Variants in ABCB1 observed in about 807,000 individuals in gnomAD.
The protein encoded by ABCB1 is ATP binding cassette subfamily B member 1.
A neutral mutation model predicts 142.0 loss-of-function variants in ABCB1; 69 were observed. The ratio of observed to expected loss-of-function variants is 0.49; its 90% confidence interval spans 0.40 to 0.59. The LOEUF (loss-of-function observed/expected upper bound fraction) is 0.59, where lower values mean the gene tolerates loss of function less well. ABCB1 is among the 20% of genes least tolerant of loss of function. The pLI, the probability that ABCB1 is intolerant of heterozygous loss-of-function variation, is 0.00. For synonymous variants in ABCB1, 532 were observed against 539.2 expected, an observed-to-expected ratio of 0.99 and a Z score of 0.18; for missense variants, 1,326 against 1,554.7, an observed-to-expected ratio of 0.85 and a Z score of 2.47.
chr7:87,582,532 T>C (rs1220697714), intron 4 of ABCB1, among the ~76,000 whole-genome samples: 1 of 152,336 alleles, frequency 6.6e-6, no homozygotes, highest in African/African-American at 2.4e-5. Flanking sequence ...AATTAATTGA[T>C]GGATTGACTG....
At chr7:87,627,267 G>C (rs1820719721) in intron 1 of ABCB1, among the ~76,000 whole-genome samples, 1 of 151,904 alleles carries the variant, frequency 6.6e-6, no homozygotes, top group South Asian at 2.1e-4. Context: ...GCATTAACAG[G>C]GATAATATAT....
At chr7:87,626,232 T>C (rs572517239) in intron 1 of ABCB1, among the ~76,000 whole-genome samples, 1 of 90,212 alleles carries the variant, frequency 1.1e-5, no homozygotes, top group South Asian at 4.0e-4. Context: ...ATGTCATATA[T>C]ATGTGTCATA....
chr7:87,699,905 T>G (rs1828864126), intron 1 of ABCB1, among the ~76,000 whole-genome samples: 1 of 152,200 alleles, frequency 6.6e-6, no homozygotes, highest in African/African-American at 2.4e-5. Flanking sequence ...GAATATAGGA[T>G]GCTAATTGAT....
Position 87,686,570 on chromosome 7 carries a change from A to C in ABCB1, c.-331+26591T>G, listed in dbSNP as rs542979134. On this transcript the variant is annotated intron_variant, in intron 1 of 28. Transcript: ENST00000265724. ...GTAAAGTCATCAGAGACAACGTTGT[A>C]AACTTCAGCTTGGTGACATGAGGAT... Among the ~76,000 whole-genome samples the C allele has an allele frequency of 6.0e-4, 92 of 152,306 alleles. 1 individual carries two copies. The highest frequency in any genetic ancestry group is 2.2e-3 in the African/African-American group (91 of 41,554).
chr7:87,628,874 C>T (rs1408917228), intron 1 of ABCB1: 30 of 1,287,824 alleles, frequency 2.3e-5, no homozygotes, highest in Non-Finnish European at 2.8e-5. Context: ...GCGGTGGCGG[C>T]GGAGGCGGCA....
At chr7:87,695,541 G>A (rs951578594) in intron 1 of ABCB1, among the ~76,000 whole-genome samples, 2 of 152,018 alleles carry the variant, frequency 1.3e-5, no homozygotes, top group African/African-American at 4.8e-5. Flanking sequence ...TTTGTTGATT[G>A]TCTAGATGAA....
chr7:87,640,947 T>C (rs1227791531), intron 1 of ABCB1, among the ~76,000 whole-genome samples: 3 of 152,172 alleles, frequency 2.0e-5, no homozygotes, highest in Non-Finnish European at 4.4e-5. Flanking sequence ...TCTTCTCATC[T>C]CTTGAATGTA....
At position 87,516,547 on chromosome 7, in the gene ABCB1, G is replaced by A; in HGVS notation, c.3046C>T (p.Pro1016Ser). 1 of 1,614,104 alleles carries A rather than the reference G, an allele frequency of 6.2e-7. No individual in the cohort carries two copies. The highest frequency in any genetic ancestry group is 8.5e-7 in the Non-Finnish European group (1 of 1,180,010). ...AHIIMIIEKT[P>S]LIDSYSTEGL... The stretch of plus-strand genomic sequence containing the variant: ...TCCGTGCTGTAGCTGTCAATCAAAG[G>A]GGTTTTTTCAATGATCATGATGATG... Residue 1016 changes from proline (P) to serine (S), a missense_variant, in exon 24 of 28, where the codon CCT (proline) becomes TCT (serine). Coordinates refer to ENST00000622132, the MANE Select transcript of ABCB1 (RefSeq NM_001348946.2).
Position 87,545,865 on chromosome 7 carries a change from G to A in ABCB1, c.1885C>T (p.Gln629Ter). 1 of 1,614,000 alleles carries A rather than the reference G, an allele frequency of 6.2e-7. No homozygotes were observed. The highest frequency in any genetic ancestry group is 8.5e-7 in the Non-Finnish European group (1 of 1,179,918). Residue 629 changes from glutamine to a stop codon, truncating the protein, a stop_gained and splice_region_variant, in exon 15 of 28, where the codon CAG (glutamine) becomes TAG (stop). Transcript: ENST00000622132. LOFTEE classifies it high-confidence loss of function. ...KGIYFKLVTM[Q>*]TAGNEVELEN... Reference sequence around the variant, plus strand: ...AAAATTCTGAAGTTAAACTATACCTGCATTGTGACAAGTTTGAAGTAAATG... The same window carrying A: ...AAAATTCTGAAGTTAAACTATACCTACATTGTGACAAGTTTGAAGTAAATG...
intron 1 of ABCB1, among the ~76,000 whole-genome samples, chr7:87,667,941 A>G (rs1825431609): frequency 6.6e-6 from 1 of 151,732 alleles, no homozygotes; most frequent in Admixed American, 6.6e-5. Context: ...TCAGCCTGAA[A>G]TTTTCTTTTT....
chr7:87,544,760 G>GC, intron 16 of ABCB1, 63 bp downstream of exon 16: 1 of 1,558,620 alleles, frequency 6.4e-7, no homozygotes, highest in South Asian at 1.1e-5. Flanking sequence ...TGTAGCCCTA[G>GC]CCCACCAAAC....
intron 1 of ABCB1, among the ~76,000 whole-genome samples, chr7:87,682,690 G>A (rs544269201): frequency 6.6e-6 from 1 of 152,312 alleles, no homozygotes; most frequent in African/African-American, 2.4e-5. Flanking sequence ...AAACAGAGGA[G>A]CTGTCATCCA....
chr7:87,533,514 C>CCCTCT (rs1816152031), intron 20 of ABCB1, among the ~76,000 whole-genome samples: 1 of 152,152 alleles, frequency 6.6e-6, no homozygotes, highest in African/African-American at 2.4e-5. Context: ...CCTTAAACTG[C>CCCTCT]AAGGAGATTT....
chr7:87,559,653 C>T (rs1243291620), intron 8 of ABCB1, among the ~76,000 whole-genome samples: 1 of 151,932 alleles, frequency 6.6e-6, no homozygotes, highest in Non-Finnish European at 1.5e-5. Flanking sequence ...TGTATTTCTT[C>T]TACCAGATAC....
intron 18 of ABCB1, among the ~76,000 whole-genome samples, chr7:87,539,884 T>A (rs1215059316): frequency 2.0e-5 from 3 of 152,156 alleles, no homozygotes; most frequent in African/African-American, 7.2e-5. Flanking sequence ...TCGTCAACAT[T>A]TAAGGGACCA....
Position 87,521,323 on chromosome 7 carries a change from T to C in ABCB1, c.2686-447A>G, listed in dbSNP as rs1584842387. On this transcript the variant is annotated intron_variant, in intron 21 of 27. Transcript: ENST00000622132. Reference sequence around the variant, plus strand: ...CAATTGAAGAATGTTTGGAAAATAGTGAAAGAATGCAGGCAATAAAAAGTA... The same window carrying C: ...CAATTGAAGAATGTTTGGAAAATAGCGAAAGAATGCAGGCAATAAAAAGTA... 4 of 408,064 alleles carry C rather than the reference T, an allele frequency of 9.8e-6. No homozygotes were observed. In the South Asian group the frequency reaches 1.3e-4, roughly 13 times the overall value. The allele number at this position is 408,064 out of a possible 1,614,324, so 25.3% of individuals were successfully genotyped here.
In ABCB1 at chr7:87,597,912, A is replaced by G. The variant is rs28381811; in HGVS notation, c.69-2098T>C. ...TTGTTTTGTTTTGTAATGTTCACAC[A>G]CTACGTTTGGTAGTTATATCTCTTT... On this transcript the variant is annotated intron_variant, in intron 2 of 27. Transcript: ENST00000622132. Among the ~76,000 whole-genome samples, 184 of 152,234 alleles carry G rather than the reference A, an allele frequency of 1.2e-3. 2 individuals carry two copies. Among genetic ancestry groups the G allele is most frequent in the African/African-American group, 4.3e-3 (179 of 41,554 alleles).
rs181575875 is a variant in ABCB1 at position 87,620,409 on chromosome 7, C to T, written c.-330-19331G>A. 3.6e-3 allele frequency among the ~76,000 whole-genome samples: 549 copies of T among 152,276 alleles called. 12 individuals carry two copies. The highest frequency in any genetic ancestry group is 5.4e-3 in the Non-Finnish European group (370 of 68,032). On this transcript the variant is annotated intron_variant, in intron 1 of 28. Coordinates refer to the ABCB1 transcript ENST00000265724. ...TCCTGACCTCATGATCCACCCACCT[C>T]GGCCTCACAAAGTGCTGGGATTACA... is the stretch of plus-strand genomic sequence containing the variant.
intron 1 of ABCB1, among the ~76,000 whole-genome samples, chr7:87,703,673 T>C (rs1264700847): frequency 2.6e-5 from 4 of 151,682 alleles, no homozygotes; most frequent in Admixed American, 2.0e-4. Flanking sequence ...TTTCTTTTTT[T>C]AATTAAATTT....
Sources: allele counts gnomAD v4.1 joint callset (sites outside exome capture counted in the v4.1 genomes callset), GRCh38; gene constraint gnomAD v4.1.1; transcripts MANE v1.5; gene names NCBI Gene and HGNC (gene_info 2026-07-23, HGNC 2026-07-21).